The following WDR59 variants were observed in gnomAD, a reference collection of about 807,000 sequenced individuals.
WDR59 encodes WD repeat domain 59, also known as GATOR2 complex protein WDR59.
In WDR59, 100 loss-of-function variants were observed where a neutral mutation model predicts 131.2. That is an observed-to-expected ratio of 0.76 (90% confidence interval 0.65 to 0.90). The LOEUF (loss-of-function observed/expected upper bound fraction) is 0.90, where lower values mean the gene tolerates loss of function less well. Among genes scored for constraint, WDR59 ranks in the 40% least tolerant of loss-of-function variants. The probability of loss-of-function intolerance (pLI) is 0.00; values close to 1 mark genes in which losing one functional copy is unlikely to be tolerated. For missense variants in WDR59, 1,203 were observed against 1,262.2 expected (o/e 0.95, Z 0.71); for synonymous variants, 601 against 466.2 (o/e 1.29, Z -3.72).
chr16:74,927,174 T>C (rs1054289124), intron 8 of WDR59, among the ~76,000 whole-genome samples: 1 of 152,146 alleles, frequency 6.6e-6, no homozygotes, highest in Non-Finnish European at 1.5e-5. Flanking sequence ...CAAAAAAAAA[T>C]TAATGATTTA....
At chr16:74,915,740 A>C in intron 13 of WDR59, 130 bp downstream of exon 13, 1 of 1,411,778 alleles carries the variant, frequency 7.1e-7, no homozygotes, top group Non-Finnish European at 9.7e-7. Context: ...CCCAGGAAAT[A>C]AAAAAGCAAG....
In WDR59 at chr16:74,934,040, T is replaced by C. The variant is rs574327277; in HGVS notation, c.651+4110A>G. Among the ~76,000 whole-genome samples the C allele has an allele frequency of 1.1e-4, 17 of 152,312 alleles. No individual in the cohort carries two copies. In the East Asian group the frequency reaches 3.3e-3, roughly 29 times the overall value. On this transcript the variant is annotated intron_variant, in intron 8 of 25. Coordinates refer to ENST00000262144, the MANE Select transcript of WDR59 (RefSeq NM_030581.4). ...AAACTATAATTCGCCCCTCAACTTATAAAAGGAATGATACTCAAAATAATT... is the reference window on the plus strand; with the variant it reads ...AAACTATAATTCGCCCCTCAACTTACAAAAGGAATGATACTCAAAATAATT...
At chr16:74,913,010 C>T (rs1966176470) in intron 13 of WDR59, among the ~76,000 whole-genome samples, 2 of 150,938 alleles carry the variant, frequency 1.3e-5, no homozygotes, top group Admixed American at 6.6e-5. Flanking sequence ...CCATCATGAA[C>T]ATGTCACAGT....
chr16:74,910,719 C>T (rs1243468980), intron 14 of WDR59, among the ~76,000 whole-genome samples: 1 of 152,220 alleles, frequency 6.6e-6, no homozygotes, highest in Admixed American at 6.5e-5. Flanking sequence ...ATTATTGGAA[C>T]ACTAAGCTTG....
intron 6 of WDR59, among the ~76,000 whole-genome samples, chr16:74,946,675 A>T (rs538478212): frequency 1.3e-4 from 20 of 152,202 alleles, no homozygotes; most frequent in African/African-American, 4.6e-4. Flanking sequence ...GTGAGCTGAG[A>T]TTCCACCACT....
At chr16:74,876,012 T>C (rs547673049) in intron 25 of WDR59, among the ~76,000 whole-genome samples, 22 of 152,232 alleles carry the variant, frequency 1.4e-4, no homozygotes, top group African/African-American at 5.1e-4. Context: ...CTCCTGCACC[T>C]GCCAGCCTCG....
chr16:74,983,295 A>C (rs2145275315), intron 1 of WDR59, among the ~76,000 whole-genome samples: 2 of 152,208 alleles, frequency 1.3e-5, no homozygotes, highest in South Asian at 4.1e-4. Context: ...CAACAGAGCG[A>C]AACCCCGTCT....
chr16:74,938,946 C>T (rs1259457759), intron 7 of WDR59, among the ~76,000 whole-genome samples: 3 of 152,090 alleles, frequency 2.0e-5, no homozygotes, highest in Non-Finnish European at 4.4e-5. Flanking sequence ...GAGGGTAAAA[C>T]CATGCATCTT....
At chr16:74,962,192 C>A (rs904588919) in intron 2 of WDR59, among the ~76,000 whole-genome samples, 5 of 152,084 alleles carry the variant, frequency 3.3e-5, no homozygotes, top group Non-Finnish European at 5.9e-5. Flanking sequence ...GTTACTGTAG[C>A]CTTGTAGGAT....
intron 22 of WDR59, among the ~76,000 whole-genome samples, 174 bp from the exon 23 acceptor site, chr16:74,887,929 C>G (rs1318732994): frequency 6.6e-6 from 1 of 152,000 alleles, no homozygotes; most frequent in Non-Finnish European, 1.5e-5. Context: ...ACCAGCCTGG[C>G]CAACATGGTG....
In WDR59 at chr16:74,909,531, T is replaced by G; in HGVS notation, c.1612A>C (p.Arg538=). 1 of 1,598,150 alleles carries G rather than the reference T, an allele frequency of 6.3e-7. No homozygotes were observed. Among genetic ancestry groups the G allele is most frequent in the Non-Finnish European group, 8.5e-7 (1 of 1,174,362 alleles). ...SYQDANIPFP[R]TSGARFCGAG... is the part of the protein sequence containing the mutation. ...CCGCAGAACCTGGCCCCAGAAGTCC[T>G]AGGAAAGGGAATGTTGGCGTCCTGG... The change falls in exon 16 of 26, where the codon AGG becomes CGG. Residue 538 remains arginine, a synonymous_variant. Transcript: ENST00000262144.
At chr16:74,913,649 T>C (rs371895101) in intron 13 of WDR59, among the ~76,000 whole-genome samples, 16 of 152,116 alleles carry the variant, frequency 1.1e-4, no homozygotes, top group Non-Finnish European at 2.1e-4. Flanking sequence ...AGACTGAAAC[T>C]TGTTATATTT....
intron 4 of WDR59, among the ~76,000 whole-genome samples, chr16:74,950,992 CA>C (rs528212034): frequency 0.098 from 7,403 of 75,296 alleles, 214 homozygotes; most frequent in Middle Eastern, 0.25. Context: ...CCTGTCTCCA[CA>C]AAAAAAAAAA....
intron 23 of WDR59, among the ~76,000 whole-genome samples, chr16:74,887,408 G>C (rs571663711): frequency 1.3e-5 from 2 of 152,056 alleles, no homozygotes; most frequent in Non-Finnish European, 2.9e-5. Flanking sequence ...AAAGGATAAG[G>C]GTTAGGTTTT....
chr16:74,979,187 A>G (rs979500171), intron 1 of WDR59: 1 of 152,164 alleles, frequency 6.6e-6, no homozygotes, highest in Non-Finnish European at 1.5e-5. Context: ...TCTACAAAAC[A>G]GTGATGCTCT....
intron 1 of WDR59, among the ~76,000 whole-genome samples, chr16:74,968,305 T>C (rs757442722): frequency 6.6e-6 from 1 of 152,208 alleles, no homozygotes; most frequent in Non-Finnish European, 1.5e-5. Context: ...ACATGAAGAT[T>C]CGCATTGCTG....
At chr16:74,973,097 C>A (rs1390977067) in intron 1 of WDR59, among the ~76,000 whole-genome samples, 1 of 151,928 alleles carries the variant, frequency 6.6e-6, no homozygotes, top group Non-Finnish European at 1.5e-5. Flanking sequence ...AAAAATTAGC[C>A]AGGTGTTGTG....
intron 6 of WDR59, 33 bp from the exon 7 acceptor site, chr16:74,942,859 C>T: frequency 6.2e-7 from 1 of 1,600,126 alleles, no homozygotes; most frequent in Non-Finnish European, 8.6e-7. Flanking sequence ...AAAGCTGCTG[C>T]CCTTGGTGCT....
rs2034554597 is a variant in WDR59, at chr16:74,984,691, A to G, written c.54+273T>C. The stretch of plus-strand genomic sequence containing the variant: ...TGTGGGAAGCCTCCCCTCAGCACTC[A>G]CGATGCGCAGTCTCTGCCTCAGTGT... On this transcript the variant is annotated intron_variant, in intron 1 of 25. Coordinates refer to ENST00000262144, the MANE Select transcript of WDR59 (RefSeq NM_030581.4). The G allele has an allele frequency of 8.8e-5, 44 of 499,012 alleles. No homozygotes were observed. In the South Asian group the frequency reaches 1.0e-3, roughly 12 times the overall value. The allele number at this position is 499,012 out of a possible 1,614,324, so 30.9% of individuals were successfully genotyped here.
Sources: allele counts gnomAD v4.1 joint callset (sites outside exome capture counted in the v4.1 genomes callset), GRCh38; gene constraint gnomAD v4.1.1; transcripts MANE v1.5; gene names NCBI Gene and HGNC (gene_info 2026-07-23, HGNC 2026-07-21).